The following GSE1 variants were observed in gnomAD, a reference collection of about 807,000 sequenced individuals.
The protein encoded by GSE1 is genetic suppressor element 1.
In GSE1, 32 loss-of-function variants were observed where a neutral mutation model predicts 112.6. That is an observed-to-expected ratio of 0.28 (90% CI 0.21 to 0.38). The LOEUF is 0.38. GSE1 is among the 10% of genes least tolerant of loss of function. The pLI is 1.00. For missense variants in GSE1, 2,348 were observed against 1,699.2 expected (o/e 1.38, Z -6.71); for synonymous variants, 1,115 against 735.6 (o/e 1.52, Z -8.35).
rs762789904 is a variant in GSE1, at chr16:85,656,490, GGAGCGC to G, written c.1148_1153del (p.Arg383_Glu384del). ...AAGAGAAGGAGCGTGAGCGTGAGAA[GGAGCGC>G]GAGCGCGAGCTGGAGCGCCAGCGGG... On this transcript the variant is annotated inframe_deletion, in exon 7 of 16. Transcript: ENST00000253458. 5.8e-5 allele frequency: 90 copies of G among 1,542,104 alleles called. No homozygotes were observed. The highest frequency in any genetic ancestry group is 5.1e-4 in the African/African-American group (37 of 72,722).
intron 2 of GSE1, among the ~76,000 whole-genome samples, chr16:85,500,584 G>A (rs980747052): frequency 6.6e-6 from 1 of 152,220 alleles, no homozygotes; most frequent in Non-Finnish European, 1.5e-5. Context: ...ATTTGGGCAC[G>A]CTGCAGAGGG....
intron 1 of GSE1, among the ~76,000 whole-genome samples, chr16:85,217,857 AG>A (rs764172040): frequency 6.6e-6 from 1 of 152,080 alleles, no homozygotes; most frequent in African/African-American, 2.4e-5. Flanking sequence ...GTCCCCAGTC[AG>A]AAGTCCTTCC....
intron 1 of GSE1, among the ~76,000 whole-genome samples, chr16:85,208,552 G>A (rs2075161296): frequency 6.6e-6 from 1 of 152,158 alleles, no homozygotes; most frequent in Non-Finnish European, 1.5e-5. Context: ...GATTCCAAAG[G>A]AAACTTTGGT....
intron 2 of GSE1, among the ~76,000 whole-genome samples, chr16:85,473,639 A>T (rs2050363404): frequency 6.6e-6 from 1 of 152,054 alleles, no homozygotes; most frequent in South Asian, 2.1e-4. Context: ...ACATCGTGGG[A>T]TTTAGGACCT....
chr16:85,624,850 G>A (rs1016994916), intron 1 of GSE1, among the ~76,000 whole-genome samples: 1 of 152,362 alleles, frequency 6.6e-6, no homozygotes, highest in South Asian at 2.1e-4. Flanking sequence ...TGGCGGAGGG[G>A]CTGGGAATCG....
At chr16:85,561,625 C>T (rs1047296761) in intron 1 of GSE1, among the ~76,000 whole-genome samples, 1 of 152,220 alleles carries the variant, frequency 6.6e-6, no homozygotes, top group African/African-American at 2.4e-5. Flanking sequence ...AGCCATGAAG[C>T]CTGCTGGTGG....
intron 2 of GSE1, among the ~76,000 whole-genome samples, chr16:85,639,500 A>G (rs1364193402): frequency 4.3e-5 from 4 of 92,290 alleles, no homozygotes; most frequent in Non-Finnish European, 1.1e-4. Context: ...CCTGGGCGCC[A>G]GGCCTAGCCT....
chr16:85,355,534 C>G (rs184410382), intron 1 of GSE1, among the ~76,000 whole-genome samples: 2 of 152,144 alleles, frequency 1.3e-5, no homozygotes, highest in Non-Finnish European at 2.9e-5. Flanking sequence ...GAGCAGACGC[C>G]GACAGCCAGG....
intron 2 of GSE1, among the ~76,000 whole-genome samples, chr16:85,411,177 G>GC (rs1410280601): frequency 1.6e-5 from 1 of 64,356 alleles, no homozygotes. Context: ...TTACACTCAG[G>GC]CCCCCCGGAT....
intron 1 of GSE1, among the ~76,000 whole-genome samples, chr16:85,573,239 T>C (rs537080788): frequency 1.3e-5 from 2 of 152,294 alleles, no homozygotes; most frequent in East Asian, 3.9e-4. Flanking sequence ...ACTCAAGCCA[T>C]GTTCACTTTC....
At chr16:85,249,469 C>G (rs375237181) in intron 1 of GSE1, among the ~76,000 whole-genome samples, 26 of 152,254 alleles carry the variant, frequency 1.7e-4, no homozygotes, top group African/African-American at 6.0e-4. Context: ...GACTGGGACC[C>G]TGAGTGGCAG....
intron 1 of GSE1, among the ~76,000 whole-genome samples, chr16:85,351,894 G>A (rs1474035041): frequency 6.6e-6 from 1 of 152,082 alleles, no homozygotes; most frequent in African/African-American, 2.4e-5. Context: ...GGAGGCTGAG[G>A]CAGGAGAATT....
intron 1 of GSE1, among the ~76,000 whole-genome samples, chr16:85,633,270 C>T (rs2049701583): frequency 1.3e-5 from 2 of 152,372 alleles, no homozygotes; most frequent in South Asian, 4.1e-4. Context: ...TCTGGGACCC[C>T]TCTCAGACAG....
chr16:85,291,484 C>T (rs2045209301), intron 1 of GSE1, among the ~76,000 whole-genome samples: 1 of 152,236 alleles, frequency 6.6e-6, no homozygotes, highest in African/African-American at 2.4e-5. Context: ...CTCCCCCGGC[C>T]CCCGCGTGAG....
intron 2 of GSE1, among the ~76,000 whole-genome samples, chr16:85,415,476 A>G (rs111825514): frequency 5.9e-5 from 9 of 152,240 alleles, no homozygotes; most frequent in Non-Finnish European, 8.8e-5. Context: ...CTAGAGATGC[A>G]GAGCTGGCAA....
Position 85,219,778 on chromosome 16 carries a change from C to T in GSE1, c.2283+47971C>T, listed in dbSNP as rs1455008017. On this transcript the variant is annotated intron_variant, in intron 1 of 2. Coordinates refer to the GSE1 transcript ENST00000637419. ...CCTTCTGCAAGCCACAGCCCCATGA[C>T]TATGGGACCACCAGCTTTGCTTTAT... is the stretch of plus-strand genomic sequence containing the variant. Among the ~76,000 whole-genome samples, 3 of 152,362 alleles carry T rather than the reference C, an allele frequency of 2.0e-5. No individual in the cohort carries two copies. The East Asian group carries it at 5.8e-4, about 29-fold the overall frequency.
At chr16:85,571,111 G>C (rs2045962954) in intron 1 of GSE1, among the ~76,000 whole-genome samples, 1 of 152,204 alleles carries the variant, frequency 6.6e-6, no homozygotes, top group Non-Finnish European at 1.5e-5. Context: ...CTAAAGGGGA[G>C]GTTCGGATTC....
At chr16:85,544,853 T>A (rs1371236939) in intron 2 of GSE1, among the ~76,000 whole-genome samples, 1 of 152,196 alleles carries the variant, frequency 6.6e-6, no homozygotes, top group African/African-American at 2.4e-5. Context: ...GCCTTGTCGG[T>A]TTGCCCCCAG....
intron 1 of GSE1, among the ~76,000 whole-genome samples, chr16:85,238,793 C>T (rs554921250): frequency 1.3e-5 from 2 of 152,318 alleles, no homozygotes; most frequent in Admixed American, 1.3e-4. Context: ...TGCCACCAAG[C>T]TACCCTTCCC....
Sources: gnomAD v4.1 joint callset for allele counts (sites outside exome capture counted in the v4.1 genomes callset) on GRCh38, gnomAD v4.1.1 for gene constraint, MANE v1.5 for transcripts, NCBI Gene and HGNC (gene_info 2026-07-23, HGNC 2026-07-21) for gene names.